L3MBTL4: variants seen among roughly 807,000 people sequenced by gnomAD.
L3MBTL4 encodes lethal(3)malignant brain tumor-like protein 4.
A neutral mutation model predicts 84.5 loss-of-function variants in L3MBTL4; 70 were observed. The ratio of observed to expected loss-of-function variants is 0.83; its 90% confidence interval spans 0.68 to 1.01. The LOEUF is 1.01. Among genes scored for constraint, L3MBTL4 ranks in the 50% least tolerant of loss-of-function variants. The pLI, the probability that L3MBTL4 is intolerant of heterozygous loss-of-function variation, is 0.00. For missense variants in L3MBTL4, 715 were observed against 754.8 expected (o/e 0.95, Z 0.62); for synonymous variants, 274 against 259.8 (o/e 1.05, Z -0.52).
At chr18:6,278,696 C>A (rs1236325039) in intron 4 of L3MBTL4, among the ~76,000 whole-genome samples, 1 of 152,064 alleles carries the variant, frequency 6.6e-6, no homozygotes, top group East Asian at 1.9e-4. Flanking sequence ...CTGCTGTGAG[C>A]CCCTCTGGCC....
intron 16 of L3MBTL4, among the ~76,000 whole-genome samples, chr18:6,055,580 AAAC>A (rs1256694076): frequency 1.1e-4 from 17 of 152,226 alleles, no homozygotes; most frequent in Non-Finnish European, 2.4e-4. Flanking sequence ...GCTAAATAGA[AAAC>A]AATGCTCAAA....
intron 14 of L3MBTL4, among the ~76,000 whole-genome samples, chr18:6,132,943 A>G (rs2059917998): frequency 1.3e-5 from 2 of 152,218 alleles, no homozygotes; most frequent in South Asian, 4.1e-4. Context: ...CTTAAAAAGC[A>G]GTCCAAGAAT....
At chr18:6,075,504 A>G (rs1030613596) in intron 16 of L3MBTL4, among the ~76,000 whole-genome samples, 7 of 152,302 alleles carry the variant, frequency 4.6e-5, no homozygotes, top group African/African-American at 1.7e-4. Flanking sequence ...CTTCGCCTCT[A>G]TGTTACACCA....
intron 14 of L3MBTL4, among the ~76,000 whole-genome samples, chr18:6,095,646 G>A (rs1346881250): frequency 6.6e-6 from 1 of 152,140 alleles, no homozygotes; most frequent in Non-Finnish European, 1.5e-5. Flanking sequence ...CACCGCACCC[G>A]GCCGGGGACA....
At chr18:6,266,926 A>T (rs2146418648) in intron 4 of L3MBTL4, among the ~76,000 whole-genome samples, 1 of 151,868 alleles carries the variant, frequency 6.6e-6, no homozygotes, top group African/African-American at 2.4e-5. Flanking sequence ...CCGTCTCAGA[A>T]AAAAATAAAA....
chr18:6,263,853 T>C (rs1328751796), intron 5 of L3MBTL4, 94 bp downstream of exon 5: 5 of 857,958 alleles, frequency 5.8e-6, no homozygotes, highest in Non-Finnish European at 4.0e-6. Context: ...ATAATTCAAA[T>C]AAGTTGATGG....
rs1469553410 is a variant in L3MBTL4, at chr18:6,243,305, T to C, written c.449A>G (p.His150Arg). The change falls in exon 7 of 19, where the codon CAC becomes CGC. Residue 150 changes from histidine to arginine, a missense_variant. His to Arg is a conservative substitution (Grantham distance 29). Transcript: ENST00000317931. Reference sequence around the variant, plus strand: ...GTATCCTGGCTTACCCTTAGGGATGTGCAGTTCATGTTTGGTCTTTTCACA... The same window carrying C: ...GTATCCTGGCTTACCCTTAGGGATGCGCAGTTCATGTTTGGTCTTTTCACA... The part of the protein sequence containing the change: ...GWCEKTKHEL[H>R]IPKGYRKDKF... 3 of 1,589,040 alleles carry C rather than the reference T, an allele frequency of 1.9e-6. No homozygotes were observed. The highest frequency in any genetic ancestry group is 2.6e-6 in the Non-Finnish European group (3 of 1,169,174).
At chr18:6,196,220 T>G (rs531022556) in intron 12 of L3MBTL4, among the ~76,000 whole-genome samples, 6 of 149,624 alleles carry the variant, frequency 4.0e-5, no homozygotes, top group Admixed American at 6.7e-5. Flanking sequence ...TGCAGTGGCA[T>G]GATCTCAGCT....
chr18:6,323,656 C>G (rs904858551), intron 1 of L3MBTL4, among the ~76,000 whole-genome samples: 3 of 152,172 alleles, frequency 2.0e-5, no homozygotes, highest in African/African-American at 4.8e-5. Flanking sequence ...CTGCTTCTAA[C>G]AGCCTAGGCT....
rs570901933 is a variant in L3MBTL4 at position 6,145,239 on chromosome 18, T to C, written c.1097-6943A>G. Among the ~76,000 whole-genome samples, 3 of 152,314 alleles carry C rather than the reference T, an allele frequency of 2.0e-5. No homozygotes were observed. The South Asian group carries it at 6.2e-4, about 32-fold the overall frequency. On this transcript the variant is annotated intron_variant, in intron 13 of 18. Transcript: ENST00000317931. Reference sequence around the variant, plus strand: ...TGAAAAAGGGAACTGTCTTTTCTTATTCCAAAATGGCCCAAATTGGTGACT... The same window carrying C: ...TGAAAAAGGGAACTGTCTTTTCTTACTCCAAAATGGCCCAAATTGGTGACT...
chr18:6,081,994 C>T (rs1038782419), intron 15 of L3MBTL4, among the ~76,000 whole-genome samples: 4 of 152,126 alleles, frequency 2.6e-5, no homozygotes, highest in African/African-American at 9.7e-5. Flanking sequence ...ACCACATGTA[C>T]TTAATCACCT....
chr18:6,336,607 A>G (rs1350181506), intron 1 of L3MBTL4, among the ~76,000 whole-genome samples: 3 of 152,214 alleles, frequency 2.0e-5, no homozygotes, highest in African/African-American at 4.8e-5. Flanking sequence ...GTCCAACCAG[A>G]GATAGACTGA....
chr18:6,285,393 G>T (rs1158776731), intron 4 of L3MBTL4, among the ~76,000 whole-genome samples: 4 of 152,140 alleles, frequency 2.6e-5, no homozygotes, highest in African/African-American at 9.7e-5. Flanking sequence ...CTGTGGGATG[G>T]GACTGGAATT....
intron 16 of L3MBTL4, among the ~76,000 whole-genome samples, chr18:6,003,061 T>A (rs548533296): frequency 3.4e-3 from 378 of 112,476 alleles, no homozygotes; most frequent in Middle Eastern, 0.011. Flanking sequence ...AAATATAGTA[T>A]CTCTATTTAT....
At chr18:6,093,262 G>T in intron 15 of L3MBTL4, 93 bp downstream of exon 15, 1 of 975,036 alleles carries the variant, frequency 1.0e-6, no homozygotes, top group Non-Finnish European at 1.4e-6. Flanking sequence ...TTCTTTTGAA[G>T]AAAGAAATAG....
intron 1 of L3MBTL4, among the ~76,000 whole-genome samples, chr18:6,378,948 T>C (rs1164562596): frequency 6.6e-6 from 1 of 151,202 alleles, no homozygotes; most frequent in South Asian, 2.1e-4. Flanking sequence ...TTCCTATCCA[T>C]GAGCATAGAA....
At chr18:6,037,133 C>A (rs2056178314) in intron 16 of L3MBTL4, among the ~76,000 whole-genome samples, 1 of 152,122 alleles carries the variant, frequency 6.6e-6, no homozygotes, top group Non-Finnish European at 1.5e-5. Flanking sequence ...GCAGTCAGAG[C>A]ACAGATCCCT....
At chr18:6,186,762 G>C (rs1394011224) in intron 12 of L3MBTL4, among the ~76,000 whole-genome samples, 2 of 152,200 alleles carry the variant, frequency 1.3e-5, no homozygotes, top group Non-Finnish European at 2.9e-5. Context: ...GGTACGCAGA[G>C]AGCCGCACTG....
intron 10 of L3MBTL4, among the ~76,000 whole-genome samples, chr18:6,220,811 A>G (rs2046520089): frequency 6.6e-6 from 1 of 152,210 alleles, no homozygotes; most frequent in African/African-American, 2.4e-5. Flanking sequence ...GATACAAGCC[A>G]AAATGATACC....
Sources: allele counts gnomAD v4.1 joint callset (sites outside exome capture counted in the v4.1 genomes callset), GRCh38; gene constraint gnomAD v4.1.1; transcripts MANE v1.5; gene names NCBI Gene and HGNC (gene_info 2026-07-23, HGNC 2026-07-21).